The following WBP2NL variants were observed in gnomAD, a reference collection of about 807,000 sequenced individuals.
The protein encoded by WBP2NL is postacrosomal sheath WW domain-binding protein.
Under a neutral mutation model 23.3 loss-of-function variants are expected in WBP2NL, and 27 were observed. The ratio of observed to expected loss-of-function variants is 1.16; its 90% confidence interval spans 0.85 to 1.60. WBP2NL has a LOEUF of 1.60. WBP2NL is among the 40% of genes most tolerant of loss of function. WBP2NL has a pLI of 0.00. For missense variants in WBP2NL, 370 were observed against 389.5 expected (o/e 0.95, Z 0.42); for synonymous variants, 151 against 145.9 (o/e 1.03, Z -0.25).
At chr22:42,046,985 GT>G (rs1200330272) in intron 8 of WBP2NL, among the ~76,000 whole-genome samples, 5 of 152,150 alleles carry the variant, frequency 3.3e-5, no homozygotes, top group Non-Finnish European at 5.9e-5. Context: ...CATGCAGCAT[GT>G]TTATAAACCT....
At chr22:42,006,996 A>G (rs904950604) in intron 1 of WBP2NL, among the ~76,000 whole-genome samples, 19 of 152,206 alleles carry the variant, frequency 1.2e-4, no homozygotes, top group African/African-American at 4.6e-4. Context: ...GTTATCCCAA[A>G]TTTTTACCAG....
intron 1 of WBP2NL, among the ~76,000 whole-genome samples, chr22:42,018,134 A>C (rs972391977): frequency 6.9e-6 from 1 of 144,170 alleles, no homozygotes; most frequent in Non-Finnish European, 1.5e-5. Context: ...GGGGGACAAG[A>C]GCAAGACTTC....
At position 42,027,297 on chromosome 22, in the gene WBP2NL, C is replaced by A; in HGVS notation, c.*116C>A. On this transcript the variant is annotated 3_prime_UTR_variant, in exon 6 of 6. Transcript: ENST00000328823. ...CACAGGCTTCTCGCAGGTAGTTGTT[C>A]CACCCTTTGGAAGGGCAATCTTATG... 3 of 1,352,330 alleles carry A rather than the reference C, an allele frequency of 2.2e-6. No individual in the cohort carries two copies. In the South Asian group the frequency reaches 4.8e-5, roughly 22 times the overall value. 83.8% of individuals were successfully genotyped at this position (1,352,330 alleles called of 1,614,324 possible).
intron 8 of WBP2NL, among the ~76,000 whole-genome samples, chr22:42,047,109 C>G (rs1021338578): frequency 5.9e-5 from 9 of 152,014 alleles, no homozygotes; most frequent in African/African-American, 2.2e-4. Context: ...ATGTTGCAAG[C>G]TTTCAAGATA....
intron 1 of WBP2NL, among the ~76,000 whole-genome samples, chr22:42,014,341 T>G (rs573094963): frequency 3.3e-5 from 5 of 152,152 alleles, no homozygotes; most frequent in Non-Finnish European, 5.9e-5. Context: ...TCCTCCCACC[T>G]CAGTGTCTTG....
chr22:42,047,269 C>CAAAAAA (rs140516534), intron 8 of WBP2NL, among the ~76,000 whole-genome samples: 19 of 101,478 alleles, frequency 1.9e-4, no homozygotes, highest in Non-Finnish European at 2.6e-4. Flanking sequence ...TTTTCAAGCT[C>CAAAAAA]AAAAAAAAAA....
At position 42,026,987 on chromosome 22, in the gene WBP2NL, G is replaced by A. The variant is rs1469150421; in HGVS notation, c.736G>A (p.Gly246Arg). The part of the protein sequence containing the change: ...LGYGAPPLGY[G>R]TPPLGYGAPP... ...ATATGGAGCCCCACCTCTTGGATAT[G>A]GAACCCCACCTCTCGGATATGGAGC... Residue 246 changes from glycine to arginine, a missense_variant, in exon 6 of 6, where the codon GGA becomes AGA. Physicochemically the swap from Gly to Arg is moderately radical, Grantham distance 125. Coordinates refer to ENST00000328823, the MANE Select transcript of WBP2NL (RefSeq NM_152613.3). The A allele has an allele frequency of 1.2e-6, 2 of 1,612,764 alleles. No homozygotes were observed. Among genetic ancestry groups the A allele is most frequent in the South Asian group, 1.1e-5 (1 of 91,016 alleles).
intron 5 of WBP2NL, among the ~76,000 whole-genome samples, chr22:42,023,005 A>G (rs933538266): frequency 6.6e-6 from 1 of 152,236 alleles, no homozygotes; most frequent in African/African-American, 2.4e-5. Flanking sequence ...ATTACAGTCT[A>G]ATATTCAGAA....
At chr22:42,049,866 A>G (rs1339055779) in intron 8 of WBP2NL, among the ~76,000 whole-genome samples, 1 of 150,924 alleles carries the variant, frequency 6.6e-6, no homozygotes, top group Non-Finnish European at 1.5e-5. Context: ...AATCCCAGCT[A>G]CTGGGGAGGC....
At chr22:42,020,151 T>G in intron 4 of WBP2NL, 55 bp downstream of exon 4, 1 of 1,514,310 alleles carries the variant, frequency 6.6e-7, no homozygotes, top group Non-Finnish European at 9.0e-7. Context: ...TTTGTTTGTT[T>G]GGGTTTTTTG....
intron 8 of WBP2NL, among the ~76,000 whole-genome samples, chr22:42,057,846 T>TATACAC (rs541863824): frequency 6.0e-5 from 7 of 117,410 alleles, no homozygotes; most frequent in African/African-American, 2.3e-4. Context: ...TATATATATA[T>TATACAC]ACACATATAT....
At chr22:42,011,077 A>G (rs1922768552) in intron 1 of WBP2NL, among the ~76,000 whole-genome samples, 1 of 152,324 alleles carries the variant, frequency 6.6e-6, no homozygotes, top group South Asian at 2.1e-4. Context: ...CATCAGAGAT[A>G]CTGACCTGCA....
At chr22:42,030,351 C>G (rs187436593), downstream of WBP2NL, among the ~76,000 whole-genome samples, 1 of 152,360 alleles carries the variant, frequency 6.6e-6, no homozygotes, top group Admixed American at 6.5e-5. Context: ...AAAGACCATT[C>G]TTCCTTCCAT....
At chr22:42,026,187 G>T (rs186140748) in intron 5 of WBP2NL, among the ~76,000 whole-genome samples, 3 of 151,632 alleles carry the variant, frequency 2.0e-5, no homozygotes, top group East Asian at 3.9e-4. Context: ...TGGGAGAATG[G>T]CATGAACCCA....
At position 42,027,449 on chromosome 22, in the gene WBP2NL, T is replaced by G. The variant is rs1303514768; in HGVS notation, c.*268T>G. The G allele has an allele frequency of 4.7e-6, 2 of 423,000 alleles. No homozygotes were observed. Among genetic ancestry groups the G allele is most frequent in the Non-Finnish European group, 8.2e-6 (2 of 242,486 alleles). The allele number at this position is 423,000 out of a possible 1,614,324, so 26.2% of individuals were successfully genotyped here. A position where few individuals can be genotyped will look rare whatever the true frequency, so the allele number is the denominator to read the frequency against. On this transcript the variant is annotated 3_prime_UTR_variant, in exon 6 of 6. Transcript: ENST00000328823. Reference sequence around the variant, plus strand: ...GTAATTTGGTTGACATTGGGTTGCATTTTTAAACATAACTTTTTCCACACT... The same window carrying G: ...GTAATTTGGTTGACATTGGGTTGCAGTTTTAAACATAACTTTTTCCACACT...
intron 4 of WBP2NL, among the ~76,000 whole-genome samples, chr22:42,020,635 G>A (rs761632088): frequency 1.3e-5 from 2 of 151,750 alleles, no homozygotes; most frequent in Middle Eastern, 3.4e-3. Flanking sequence ...TCTACTGAGC[G>A]TCTCTTCCTT....
downstream of WBP2NL, among the ~76,000 whole-genome samples, chr22:42,034,836 C>T (rs1602474301): frequency 6.6e-6 from 1 of 152,224 alleles, no homozygotes; most frequent in East Asian, 1.9e-4. Context: ...AAATATGGCT[C>T]TGTTCTGCCC....
At chr22:42,007,289 C>T (rs373742076) in intron 1 of WBP2NL, among the ~76,000 whole-genome samples, 1 of 152,210 alleles carries the variant, frequency 6.6e-6, no homozygotes, top group East Asian at 1.9e-4. Context: ...TTTTTGAAAA[C>T]ATAATTTTGC....
At chr22:42,013,785 T>A (rs1193800634) in intron 1 of WBP2NL, among the ~76,000 whole-genome samples, 1 of 143,608 alleles carries the variant, frequency 7.0e-6, no homozygotes, top group Non-Finnish European at 1.5e-5. Flanking sequence ...AAATTTTTAA[T>A]TTTTTTTTTT....
Sources: gnomAD v4.1 joint callset for allele counts (sites outside exome capture counted in the v4.1 genomes callset) on GRCh38, gnomAD v4.1.1 for gene constraint, MANE v1.5 for transcripts, NCBI Gene and HGNC (gene_info 2026-07-23, HGNC 2026-07-21) for gene names.